Variants in ASS1 observed in about 807,000 individuals in gnomAD.
ASS1 encodes the protein argininosuccinate synthase.
A neutral mutation model predicts 60.5 loss-of-function variants in ASS1; 58 were observed. That is an observed-to-expected ratio of 0.96 (90% CI 0.78 to 1.19). The LOEUF is 1.19. Ranked by LOEUF, ASS1 falls within the 50% of genes most tolerant of loss-of-function variation. The probability of loss-of-function intolerance (pLI) is 0.00; values close to 1 mark genes in which losing one functional copy is unlikely to be tolerated. For missense variants in ASS1, 454 were observed against 547.3 expected, an observed-to-expected ratio of 0.83 and a Z score of 1.70; for synonymous variants, 200 against 206.9, an observed-to-expected ratio of 0.97 and a Z score of 0.29.
intron 5 of ASS1, among the ~76,000 whole-genome samples, chr9:130,465,051 TA>T (rs371236968): frequency 0.12 from 13,756 of 110,232 alleles, 830 homozygotes; most frequent in Middle Eastern, 0.19. Context: ...TATATATATA[TA>T]TATATTTTTT....
Position 130,452,257 on chromosome 9 carries a change from C to A in ASS1, c.29C>A (p.Ala10Asp). MSSKGSVVL[A>D]YSGGLDTSCI... ...TCCAGCAAAGGCTCCGTGGTTCTGG[C>A]CTACAGTGGCGGCCTGGACACCTCG... Residue 10 changes from alanine (A) to aspartate (D), a missense_variant, in exon 2 of 15, where the codon GCC becomes GAC. Coordinates refer to ENST00000352480, the MANE Select transcript of ASS1 (RefSeq NM_054012.4). 6.2e-7 allele frequency: 1 copy of A among 1,614,174 alleles called. No homozygotes were observed. The highest frequency in any genetic ancestry group is 8.5e-7 in the Non-Finnish European group (1 of 1,180,022).
At position 130,476,661 on chromosome 9, in the gene ASS1, T is replaced by C; in HGVS notation, c.598-210T>C. ...GATGAGATCAAGTTGAGGGGAAAAA[T>C]TGTCTGATTTCTCCAGCCCTTTGTT... is the stretch of plus-strand genomic sequence containing the variant. On this transcript the variant is annotated intron_variant, in intron 8 of 14. Coordinates refer to ENST00000352480, the MANE Select transcript of ASS1 (RefSeq NM_054012.4). This position sits in a 1 kb window ranked among gnomAD's most constrained non-coding sequence, Gnocchi z 4.9. 1 of 609,106 alleles carries C rather than the reference T, an allele frequency of 1.6e-6. No homozygotes were observed. Among genetic ancestry groups the C allele is most frequent in the South Asian group, 1.9e-5 (1 of 51,918 alleles). The allele number at this position is 609,106 out of a possible 1,614,324, so 37.7% of individuals were successfully genotyped here. A position where few individuals can be genotyped will look rare whatever the true frequency, so the allele number is the denominator to read the frequency against.
At chr9:130,462,942 C>T (rs1441913655) in intron 4 of ASS1, among the ~76,000 whole-genome samples, 2 of 152,180 alleles carry the variant, frequency 1.3e-5, no homozygotes, top group Admixed American at 6.5e-5. Context: ...TTTCCTCACC[C>T]ATAAAATATG....
At position 130,471,494 on chromosome 9, in the gene ASS1, T is replaced by G. The variant is rs747575810; in HGVS notation, c.576T>G (p.Ala192=). 2 of 1,614,166 alleles carry G rather than the reference T, an allele frequency of 1.2e-6. No homozygotes were observed. Among genetic ancestry groups the G allele is most frequent in the Non-Finnish European group, 1.7e-6 (2 of 1,180,010 alleles). ...DENLMHISYE[A]GILENPKNQA... ...CCTTTCCCCTCCGCAGCTACGAGGC[T>G]GGAATCCTGGAGAACCCCAAGGTAA... The change falls in exon 8 of 15, where the codon GCT becomes GCG. Residue 192 remains alanine, a synonymous_variant. Coordinates refer to ENST00000352480, the MANE Select transcript of ASS1 (RefSeq NM_054012.4).
At chr9:130,474,336 T>G (rs1205624927) in intron 8 of ASS1, among the ~76,000 whole-genome samples, 1 of 152,170 alleles carries the variant, frequency 6.6e-6, no homozygotes, top group Non-Finnish European at 1.5e-5. Flanking sequence ...TCCTCCAGTC[T>G]TCCCATCCCC....
chr9:130,495,500 C>T (rs4740317), intron 13 of ASS1, among the ~76,000 whole-genome samples: 2 of 148,372 alleles, frequency 1.3e-5, no homozygotes, highest in African/African-American at 2.6e-5. Flanking sequence ...CACACACACA[C>T]ATATATATAT....
At chr9:130,486,776 C>T (rs1180004511) in intron 11 of ASS1, among the ~76,000 whole-genome samples, 2 of 152,220 alleles carry the variant, frequency 1.3e-5, no homozygotes, top group Non-Finnish European at 2.9e-5. Context: ...AGCATGTCAC[C>T]TGACACCAGT....
At position 130,485,618 on chromosome 9, in the gene ASS1, C is replaced by T. The variant is rs550015249; in HGVS notation, c.839-3715C>T. Among the ~76,000 whole-genome samples the T allele has an allele frequency of 1.8e-4, 27 of 152,226 alleles. No homozygotes were observed. In the South Asian group the frequency reaches 5.0e-3, roughly 28 times the overall value. On this transcript the variant is annotated intron_variant, in intron 11 of 14. Coordinates refer to ENST00000352480, the MANE Select transcript of ASS1 (RefSeq NM_054012.4). ...CCTGCTACCGGCCTACCCAGGATGG[C>T]GCCATTACGACTCTGTGGCCAGTGT...
At chr9:130,446,721 G>C (rs960491003) in intron 1 of ASS1, among the ~76,000 whole-genome samples, 2 of 152,186 alleles carry the variant, frequency 1.3e-5, no homozygotes, top group Non-Finnish European at 2.9e-5. Flanking sequence ...CTCCCAACCC[G>C]GGCCCATCTC....
At chr9:130,457,888 G>A (rs1845483108) in intron 3 of ASS1, among the ~76,000 whole-genome samples, 1 of 152,198 alleles carries the variant, frequency 6.6e-6, no homozygotes, top group Non-Finnish European at 1.5e-5. Flanking sequence ...GCTGGCCGCG[G>A]TGGCTTGTGC....
intron 2 of ASS1, among the ~76,000 whole-genome samples, chr9:130,453,196 C>A (rs917825170): frequency 1.3e-5 from 2 of 152,250 alleles, no homozygotes; most frequent in African/African-American, 4.8e-5. Flanking sequence ...GGACCCACCA[C>A]GCATTAGTCC....
chr9:130,466,678 G>C (rs1182014573), intron 5 of ASS1, 47 bp from the exon 6 acceptor site: 2 of 1,580,392 alleles, frequency 1.3e-6, no homozygotes, highest in Non-Finnish European at 1.7e-6. Flanking sequence ...GCCAGGGGAA[G>C]CCCACAGCTC....
At chr9:130,452,187 C>T in intron 1 of ASS1, 37 bp from the exon 2 acceptor site, 1 of 1,583,442 alleles carries the variant, frequency 6.3e-7, no homozygotes, top group Non-Finnish European at 8.6e-7. Context: ...CACTGGCTGT[C>T]TCAGGGTCAC....
chr9:130,471,454 G>A lies in ASS1; in HGVS notation c.567-31G>A, dbSNP rs1374966321. On this transcript the variant is annotated intron_variant, in intron 7 of 14. Transcript: ENST00000352480. ...TGGGGACATGCCATGTCCCTCCCCA[G>A]CTGACCCTGTCTTTCCTTTCCCCTC... 9.9e-6 allele frequency: 16 copies of A among 1,613,628 alleles called. 1 individual carries two copies. Among genetic ancestry groups the A allele is most frequent in the Non-Finnish European group, 1.4e-5 (16 of 1,179,650 alleles).
chr9:130,477,466 C>T lies in ASS1; in HGVS notation c.688+505C>T, dbSNP rs1846049289. Among the ~76,000 whole-genome samples the T allele has an allele frequency of 6.6e-6, 1 of 152,236 alleles. No individual in the cohort carries two copies. The highest frequency in any genetic ancestry group is 1.5e-5 in the Non-Finnish European group (1 of 68,042). On this transcript the variant is annotated intron_variant, in intron 9 of 14. Transcript: ENST00000352480. The surrounding 1 kb of genome is among the most constrained non-coding windows in gnomAD (Gnocchi z 4.2). ...CAGTCTTCATTGAGCCGCTCTGGGC[C>T]TCACCCTGCTGACCCCACGTTCAAA...
chr9:130,480,958 G>C (rs1225816830), intron 11 of ASS1, among the ~76,000 whole-genome samples: 1 of 152,258 alleles, frequency 6.6e-6, no homozygotes, highest in East Asian at 1.9e-4. Flanking sequence ...TTTCTCCAGG[G>C]ATGGGGCTGT....
chr9:130,454,399 G>A (rs761367953), intron 3 of ASS1, 26 bp downstream of exon 3: 95 of 1,609,128 alleles, frequency 5.9e-5, no homozygotes, highest in Non-Finnish European at 7.4e-5. Context: ...CAGGGATTTG[G>A]GCTGGGAGTG....
chr9:130,448,539 C>G (rs1467471559), intron 1 of ASS1, among the ~76,000 whole-genome samples: 2 of 152,172 alleles, frequency 1.3e-5, no homozygotes, highest in Non-Finnish European at 2.9e-5. Context: ...CCAGCTACAA[C>G]CTGGCAGGCA....
Position 130,483,454 on chromosome 9 carries a change from G to A in ASS1, c.838+3005G>A, listed in dbSNP as rs1375801513. Among the ~76,000 whole-genome samples the A allele has an allele frequency of 2.6e-5, 4 of 151,726 alleles. No individual in the cohort carries two copies. In the East Asian group the frequency reaches 5.9e-4, roughly 22 times the overall value. On this transcript the variant is annotated intron_variant, in intron 11 of 14. Coordinates refer to ENST00000352480, the MANE Select transcript of ASS1 (RefSeq NM_054012.4). ...AGGGACAGGGGGCTGGGGAAGCCGC[G>A]GCTGGAGTAGCTTTCTCCGTATTGT...
Sources: gnomAD v4.1 joint callset for allele counts (sites outside exome capture counted in the v4.1 genomes callset) on GRCh38, gnomAD v4.1.1 for gene constraint, Gnocchi (gnomAD v3.1) non-coding constraint, MANE v1.5 for transcripts, NCBI Gene and HGNC (gene_info 2026-07-23, HGNC 2026-07-21) for gene names.